Variants in APMAP observed in about 807,000 individuals in gnomAD.
APMAP encodes adipocyte plasma membrane associated protein.
APMAP carries 33 observed loss-of-function variants against 43.6 expected under a neutral mutation model. The observed-to-expected ratio is 0.76, with a 90% CI of 0.57 to 1.01. The LOEUF (loss-of-function observed/expected upper bound fraction) is 1.01, where lower values mean the gene tolerates loss of function less well. APMAP is among the 50% of genes least tolerant of loss of function. The pLI is 0.00. For missense variants in APMAP, 498 were observed against 540.7 expected, an observed-to-expected ratio of 0.92 and a Z score of 0.78; for synonymous variants, 224 against 216.7, an observed-to-expected ratio of 1.03 and a Z score of -0.30.
At chr20:24,969,732 G>C (rs1191590394) in intron 6 of APMAP, 72 bp from the exon 7 acceptor site, 2 of 1,531,588 alleles carry the variant, frequency 1.3e-6, no homozygotes, top group Non-Finnish European at 1.8e-6. Context: ...CAGGGTATGG[G>C]CCTGAAGAAG....
At position 24,984,121 on chromosome 20, in the gene APMAP, A is replaced by G. The variant is rs1398568234; in HGVS notation, c.96-102T>C. The G allele has an allele frequency of 1.3e-5, 11 of 862,126 alleles. No homozygotes were observed. The East Asian group carries it at 2.8e-4, about 22-fold the overall frequency. The allele number at this position is 862,126 out of a possible 1,614,324, so 53.4% of individuals were successfully genotyped here. A position where few individuals can be genotyped will look rare whatever the true frequency, so the allele number is the denominator to read the frequency against. On this transcript the variant is annotated intron_variant, in intron 1 of 8. Transcript: ENST00000217456. The stretch of plus-strand genomic sequence containing the variant: ...CCGGCAGGAGCAGGGACGCTCATCC[A>G]GTTTCCCCACTGCAAGCTGGCCGAC...
Position 24,992,624 on chromosome 20 carries a change from T to C in APMAP, c.65A>G (p.Asp22Gly). ...GTCCTTAGCCTCCGGGGCCTGGCCA[T>C]CATCGTCTGTGACGACCTGCGGCCG... ...PLRPQVVTDDDGQAPEAKDGS... is the reference protein window; with the variant it reads ...PLRPQVVTDDGGQAPEAKDGS... Residue 22 changes from aspartate to glycine, a missense_variant, in exon 1 of 9, where the codon GAT (aspartate) becomes GGT (glycine). Physicochemically the swap from Asp to Gly is moderately conservative, Grantham distance 94. Transcript: ENST00000217456. 6.4e-7 allele frequency: 1 copy of C among 1,571,444 alleles called. No individual in the cohort carries two copies.
chr20:24,980,354 GAGGA>G (rs1358469141), intron 2 of APMAP, among the ~76,000 whole-genome samples: 1 of 152,264 alleles, frequency 6.6e-6, no homozygotes, highest in East Asian at 1.9e-4. Flanking sequence ...CACAGCAAAA[GAGGA>G]AGGAAGGGAA....
At chr20:24,985,257 C>A (rs1341702277) in intron 1 of APMAP, among the ~76,000 whole-genome samples, 1 of 152,126 alleles carries the variant, frequency 6.6e-6, no homozygotes, top group Non-Finnish European at 1.5e-5. Context: ...AGATTTTTCA[C>A]AAACGAATAA....
rs758235305 is a variant in APMAP, at chr20:24,970,184, A to G, written c.713+13T>C. The G allele has an allele frequency of 4.3e-6, 7 of 1,613,774 alleles. No homozygotes were observed. Among genetic ancestry groups the G allele is most frequent in the Non-Finnish European group, 5.1e-6 (6 of 1,179,840 alleles). On this transcript the variant is annotated intron_variant, in intron 6 of 8. Transcript: ENST00000217456. Reference sequence around the variant, plus strand: ...TGAACTCAACAAATGGGAGACCTGGAGCAAGGCCTCACCGCCCGTCATCTG... The same window carrying G: ...TGAACTCAACAAATGGGAGACCTGGGGCAAGGCCTCACCGCCCGTCATCTG...
At chr20:24,982,546 A>C in intron 2 of APMAP, among the ~76,000 whole-genome samples, 1 of 151,946 alleles carries the variant, frequency 6.6e-6, no homozygotes, top group African/African-American at 2.4e-5. Flanking sequence ...TTTCTTCACC[A>C]CTCTTTCCAC....
At chr20:24,973,860 T>A in intron 3 of APMAP, 123 bp from the exon 4 acceptor site, 1 of 777,962 alleles carries the variant, frequency 1.3e-6, no homozygotes, top group Non-Finnish European at 2.0e-6. Context: ...ATGCCAATTC[T>A]CAAGATGGAA....
At chr20:24,969,394 T>C (rs2087978002) in intron 7 of APMAP, 132 bp downstream of exon 7, 3 of 1,391,632 alleles carry the variant, frequency 2.2e-6, no homozygotes, top group Non-Finnish European at 2.9e-6. Context: ...CACCCTTGAA[T>C]TTTCTTTAAC....
At chr20:24,967,248 T>A (rs930868268) in intron 8 of APMAP, among the ~76,000 whole-genome samples, 1 of 152,202 alleles carries the variant, frequency 6.6e-6, no homozygotes, top group African/African-American at 2.4e-5. Flanking sequence ...TGAGCCGAGA[T>A]CACGCCACTG....
chr20:24,969,735 TGAA>T lies in APMAP; in HGVS notation c.714-78_714-76del, dbSNP rs2087982325. On this transcript the variant is annotated intron_variant, in intron 6 of 8. Transcript: ENST00000217456. Reference sequence around the variant, plus strand: ...ACTCTGGGCCTTCAGGGTATGGGCCTGAAGAAGGTGACTCCGCCTCACCCCGGA... The same window carrying T: ...ACTCTGGGCCTTCAGGGTATGGGCCTGAAGGTGACTCCGCCTCACCCCGGA... 11 of 1,523,488 alleles carry T rather than the reference TGAA, an allele frequency of 7.2e-6. No individual in the cohort carries two copies. In the Admixed American group the frequency reaches 9.7e-5, roughly 13 times the overall value. 94.4% of individuals were successfully genotyped at this position (1,523,488 alleles called of 1,614,324 possible).
At chr20:24,980,922 G>C (rs2088099287) in intron 2 of APMAP, among the ~76,000 whole-genome samples, 4 of 152,256 alleles carry the variant, frequency 2.6e-5, no homozygotes, top group Admixed American at 2.6e-4. Flanking sequence ...GATCAGGCCA[G>C]CAGACGGGGC....
In APMAP at chr20:24,971,797, T is replaced by C. The variant is rs185422320; in HGVS notation, c.422-221A>G. ...CTCACTGCAGGGTGCTTACTGTAGG[T>C]GCTTACTGCAGGGTGTTCACTGTGG... On this transcript the variant is annotated intron_variant, in intron 4 of 8. Transcript: ENST00000217456. 9.3e-4 allele frequency among the ~76,000 whole-genome samples: 141 copies of C among 151,248 alleles called. 2 individuals carry two copies. Among genetic ancestry groups the C allele is most frequent in the Non-Finnish European group, 5.9e-5 (4 of 67,748 alleles).
rs2088127204 is a variant in APMAP, at chr20:24,984,005, C to G, written c.110G>C (p.Arg37Thr). Residue 37 changes from arginine (R) to threonine (T), a missense_variant, in exon 2 of 9, where the codon AGA becomes ACA. Arg to Thr is a moderately conservative substitution (Grantham distance 71). Coordinates refer to ENST00000217456, the MANE Select transcript of APMAP (RefSeq NM_020531.3). Reference sequence around the variant, plus strand: ...CATCAAGAAGGTCACTCGGAAAACTCTGCCGCTAAAGGAGCTGCCAGAAAT... The same window carrying G: ...CATCAAGAAGGTCACTCGGAAAACTGTGCCGCTAAAGGAGCTGCCAGAAAT... ...EAKDGSSFSG[R>T]VFRVTFLMLA... The G allele has an allele frequency of 1.2e-5, 20 of 1,613,122 alleles. No homozygotes were observed. The highest frequency in any genetic ancestry group is 1.6e-5 in the Non-Finnish European group (19 of 1,179,404).
chr20:24,969,358 C>T (rs1288842345), intron 7 of APMAP, among the ~76,000 whole-genome samples, 168 bp downstream of exon 7: 2 of 152,152 alleles, frequency 1.3e-5, no homozygotes, highest in Admixed American at 6.5e-5. Context: ...TTCCGGACTG[C>T]GACTCGCAAT....
At chr20:24,981,864 G>A (rs1295304212) in intron 2 of APMAP, among the ~76,000 whole-genome samples, 4 of 152,176 alleles carry the variant, frequency 2.6e-5, no homozygotes, top group Non-Finnish European at 5.9e-5. Flanking sequence ...CCCTTCTGGA[G>A]AGAAACCATG....
At position 24,970,213 on chromosome 20, in the gene APMAP, C is replaced by G. The variant is rs1172465424; in HGVS notation, c.697G>C (p.Gly233Arg). ...RRDYLLLVMEGTDDGRLLEYD... is the reference protein window; with the variant it reads ...RRDYLLLVMERTDDGRLLEYD... ...AGGCCTCACCGCCCGTCATCTGTGCCCTCCATCACCAGAAGCAGGTAGTCT... is the reference window on the plus strand; with the variant it reads ...AGGCCTCACCGCCCGTCATCTGTGCGCTCCATCACCAGAAGCAGGTAGTCT... Residue 233 changes from glycine to arginine, a missense_variant, in exon 6 of 9, where the codon GGC (glycine) becomes CGC (arginine). Coordinates refer to ENST00000217456, the MANE Select transcript of APMAP (RefSeq NM_020531.3). 1 of 1,614,046 alleles carries G rather than the reference C, an allele frequency of 6.2e-7. No individual in the cohort carries two copies. Among genetic ancestry groups the G allele is most frequent in the Non-Finnish European group, 8.5e-7 (1 of 1,180,036 alleles).
chr20:24,966,163 A>C (rs2087941312), intron 8 of APMAP, among the ~76,000 whole-genome samples: 2 of 152,212 alleles, frequency 1.3e-5, no homozygotes, highest in South Asian at 2.1e-4. Flanking sequence ...ATACAAGAGG[A>C]AACTGGAACG....
At chr20:24,968,870 G>A (rs1264436504) in intron 8 of APMAP, 22 bp downstream of exon 8, 14 of 1,554,214 alleles carry the variant, frequency 9.0e-6, no homozygotes, top group Non-Finnish European at 1.2e-5. Context: ...TTCTTTCTTG[G>A]AATAACAGTT....
intron 3 of APMAP, among the ~76,000 whole-genome samples, chr20:24,978,511 A>G (rs1393543559): frequency 6.6e-6 from 1 of 152,254 alleles, no homozygotes; most frequent in Non-Finnish European, 1.5e-5. Context: ...TGAGCACAAC[A>G]AAGTGTTCCA....
Sources: allele counts gnomAD v4.1 joint callset (sites outside exome capture counted in the v4.1 genomes callset), GRCh38; gene constraint gnomAD v4.1.1; transcripts MANE v1.5; gene names NCBI Gene and HGNC (gene_info 2026-07-23, HGNC 2026-07-21).